The following BTBD16 variants were observed in gnomAD, a reference collection of about 807,000 sequenced individuals.
BTBD16 encodes the protein BTB domain containing 16.
In BTBD16, 66 loss-of-function variants were observed where a neutral mutation model predicts 67.4. The observed-to-expected ratio is 0.98, with a 90% confidence interval of 0.80 to 1.20. The LOEUF is 1.20. BTBD16 is among the 50% of genes most tolerant of loss of function. BTBD16 has a pLI of 0.00. For missense variants in BTBD16, 634 were observed against 616.0 expected (o/e 1.03, Z -0.31); for synonymous variants, 242 against 236.4 (o/e 1.02, Z -0.22).
rs142247434 is a variant in BTBD16, at chr10:122,286,371, C to T, written c.385+123C>T. ...TCTAGCAGTCAAGAGTAAGGCTCCACAGTGTTATCTCATCCCATGACAGCC... is the reference window on the plus strand; with the variant it reads ...TCTAGCAGTCAAGAGTAAGGCTCCATAGTGTTATCTCATCCCATGACAGCC... On this transcript the variant is annotated intron_variant, in intron 5 of 15. Coordinates refer to ENST00000260723, the MANE Select transcript of BTBD16 (RefSeq NM_144587.5). 107 of 1,380,504 alleles carry T rather than the reference C, an allele frequency of 7.8e-5. No homozygotes were observed. The African/African-American group carries it at 1.2e-3, about 16-fold the overall frequency. The allele number at this position is 1,380,504 out of a possible 1,614,324, so 85.5% of individuals were successfully genotyped here. A position where few individuals can be genotyped will look rare whatever the true frequency, so the allele number is the denominator to read the frequency against.
At position 122,334,995 on chromosome 10, in the gene BTBD16, A is replaced by C; in HGVS notation, c.1263+16A>C. On this transcript the variant is annotated intron_variant, in intron 14 of 15. Transcript: ENST00000260723. ...TTACATGCAGGTAAGGATAGAGTGC[A>C]TGAAAGTTATGTCTCTGAGACAGTC... 1.7e-6 allele frequency: 2 copies of C among 1,196,454 alleles called. No individual in the cohort carries two copies. The highest frequency in any genetic ancestry group is 1.2e-6 in the Non-Finnish European group (1 of 825,400). 74.1% of individuals were successfully genotyped at this position (1,196,454 alleles called of 1,614,324 possible).
intron 8 of BTBD16, 147 bp from the exon 9 acceptor site, chr10:122,298,857 C>T: frequency 1.0e-6 from 1 of 980,522 alleles, no homozygotes; most frequent in Non-Finnish European, 1.5e-6. Flanking sequence ...GAAAAGGTAT[C>T]TGCTGTAATT....
intron 3 of BTBD16, among the ~76,000 whole-genome samples, chr10:122,280,786 G>A (rs1474766222): frequency 6.6e-6 from 1 of 151,980 alleles, no homozygotes. Context: ...TGTATATTCA[G>A]GGATGTAAAG....
intron 3 of BTBD16, among the ~76,000 whole-genome samples, chr10:122,279,359 G>A (rs2096347427): frequency 1.3e-5 from 2 of 151,910 alleles, no homozygotes; most frequent in Non-Finnish European, 2.9e-5. Flanking sequence ...TGAACCTGTA[G>A]TACCAGCTGC....
At chr10:122,295,358 C>T (rs2096381258) in intron 7 of BTBD16, 4 of 985,270 alleles carry the variant, frequency 4.1e-6, no homozygotes, top group Non-Finnish European at 4.8e-6. Flanking sequence ...ATAAGCCTGG[C>T]CACTAAGACC....
chr10:122,288,481 C>T (rs572964944), intron 5 of BTBD16, among the ~76,000 whole-genome samples: 1 of 152,146 alleles, frequency 6.6e-6, no homozygotes, highest in Admixed American at 6.6e-5. Flanking sequence ...GGCTCTGGCT[C>T]ACATCATTTT....
intron 3 of BTBD16, among the ~76,000 whole-genome samples, chr10:122,282,525 G>A (rs73359777): frequency 0.035 from 5,339 of 152,312 alleles, 304 homozygotes; most frequent in African/African-American, 0.12. Flanking sequence ...AGTTGACACT[G>A]CATGACACAG....
At chr10:122,329,725 C>G (rs2096452085) in intron 11 of BTBD16, among the ~76,000 whole-genome samples, 154 bp downstream of exon 11, 1 of 152,224 alleles carries the variant, frequency 6.6e-6, no homozygotes, top group Non-Finnish European at 1.5e-5. Flanking sequence ...TCGGGAAAGT[C>G]ATGTAGCCTC....
intron 10 of BTBD16, among the ~76,000 whole-genome samples, chr10:122,327,970 C>T (rs1412664453): frequency 6.6e-6 from 1 of 152,230 alleles, no homozygotes; most frequent in East Asian, 1.9e-4. Context: ...CTTAGGGCAG[C>T]ACCCGGCTGT....
At chr10:122,283,211 G>T (rs1278014028) in intron 3 of BTBD16, among the ~76,000 whole-genome samples, 2 of 152,254 alleles carry the variant, frequency 1.3e-5, no homozygotes, top group East Asian at 3.9e-4. Context: ...GACTTTGGCA[G>T]TGACTGGAGG....
At chr10:122,336,321 C>T (rs531362036) in intron 14 of BTBD16, among the ~76,000 whole-genome samples, 173 bp from the exon 15 acceptor site, 3 of 152,294 alleles carry the variant, frequency 2.0e-5, no homozygotes, top group African/African-American at 4.8e-5. Context: ...GTGGGGGCTC[C>T]AATGACAACT....
intron 9 of BTBD16, among the ~76,000 whole-genome samples, chr10:122,300,638 A>C (rs1434998289): frequency 6.6e-6 from 1 of 152,198 alleles, no homozygotes; most frequent in East Asian, 1.9e-4. Context: ...TTGATGTAAT[A>C]CTTTAATGTC....
At chr10:122,275,240 GC>G in intron 2 of BTBD16, 141 bp downstream of exon 2, 1 of 818,892 alleles carries the variant, frequency 1.2e-6, no homozygotes, top group Non-Finnish European at 2.1e-6. Flanking sequence ...TGGAAAGAGC[GC>G]GTCCAGGCAG....
intron 13 of BTBD16, 140 bp downstream of exon 13, chr10:122,332,653 C>T: frequency 9.6e-7 from 1 of 1,038,154 alleles, no homozygotes; most frequent in Non-Finnish European, 1.4e-6. Flanking sequence ...AGGTGTCTCT[C>T]CTGCATGGTC....
At chr10:122,319,643 A>C (rs2096432223) in intron 10 of BTBD16, among the ~76,000 whole-genome samples, 1 of 152,144 alleles carries the variant, frequency 6.6e-6, no homozygotes, top group Non-Finnish European at 1.5e-5. Context: ...TCTTGACATA[A>C]GGTAATGTAA....
At chr10:122,278,556 C>G (rs573801390) in intron 3 of BTBD16, among the ~76,000 whole-genome samples, 9 of 152,330 alleles carry the variant, frequency 5.9e-5, no homozygotes, top group Admixed American at 5.9e-4. Context: ...TAATTAATCC[C>G]GGTGATTTCA....
chr10:122,296,787 G>A (rs1360300058), intron 7 of BTBD16, among the ~76,000 whole-genome samples: 1 of 152,222 alleles, frequency 6.6e-6, no homozygotes, highest in Admixed American at 6.5e-5. Context: ...AGACTTCCAA[G>A]AGGAGGTGAT....
intron 9 of BTBD16, among the ~76,000 whole-genome samples, chr10:122,305,635 C>T (rs1027055526): frequency 6.6e-6 from 1 of 152,154 alleles, no homozygotes; most frequent in Non-Finnish European, 1.5e-5. Context: ...GTCAAGTAAA[C>T]CTCTTTTCTT....
chr10:122,272,618 G>A (rs146781361), intron 1 of BTBD16, among the ~76,000 whole-genome samples: 65 of 152,196 alleles, frequency 4.3e-4, no homozygotes, highest in African/African-American at 1.5e-3. Flanking sequence ...TGGGATTACA[G>A]GCATGAGCCA....
Sources: allele counts gnomAD v4.1 joint callset (sites outside exome capture counted in the v4.1 genomes callset), GRCh38; gene constraint gnomAD v4.1.1; transcripts MANE v1.5; gene names NCBI Gene and HGNC (gene_info 2026-07-23, HGNC 2026-07-21).